Variants in NOVA1 observed in about 807,000 individuals in gnomAD.
The protein encoded by NOVA1 is NOVA alternative splicing regulator 1.
Under a neutral mutation model 38.0 loss-of-function variants are expected in NOVA1, and 7 were observed. That is an observed-to-expected ratio of 0.18 (90% confidence interval 0.10 to 0.35). The LOEUF is 0.35. Ranked by LOEUF, NOVA1 falls within the 10% of genes least tolerant of loss-of-function variation. NOVA1 has a pLI of 1.00. For missense variants in NOVA1, 460 were observed against 616.0 expected, an observed-to-expected ratio of 0.75 and a Z score of 2.68; for synonymous variants, 270 against 232.5, an observed-to-expected ratio of 1.16 and a Z score of -1.47.
At position 26,451,499 on chromosome 14, in the gene NOVA1, C is replaced by G. The variant is rs542457828; in HGVS notation, c.520-2536G>C. Among the ~76,000 whole-genome samples, 39 of 152,184 alleles carry G rather than the reference C, an allele frequency of 2.6e-4. No individual in the cohort carries two copies. The South Asian group carries it at 7.9e-3, about 31-fold the overall frequency. On this transcript the variant is annotated intron_variant, in intron 4 of 4. Transcript: ENST00000539517. ...TCTCCTGCCTCAGTTTCGCAAGTAG[C>G]TGGGACTACAAGGCATGCGCCACCA...
At chr14:26,529,284 C>T (rs929748889) in intron 2 of NOVA1, among the ~76,000 whole-genome samples, 3 of 151,982 alleles carry the variant, frequency 2.0e-5, no homozygotes, top group Non-Finnish European at 4.4e-5. Context: ...ATTACAAGCG[C>T]CCACCACCAT....
At chr14:26,576,926 T>G (rs971916747) in intron 2 of NOVA1, among the ~76,000 whole-genome samples, 22 of 152,118 alleles carry the variant, frequency 1.4e-4, no homozygotes, top group Admixed American at 1.2e-3. Flanking sequence ...CAATATTAAC[T>G]ATATCCTCAT....
At chr14:26,537,509 T>C (rs900491690) in intron 2 of NOVA1, among the ~76,000 whole-genome samples, 5 of 152,012 alleles carry the variant, frequency 3.3e-5, no homozygotes, top group African/African-American at 7.2e-5. Flanking sequence ...AAATTCTACA[T>C]ATAAAAAGCC....
intron 2 of NOVA1, among the ~76,000 whole-genome samples, chr14:26,504,069 T>C (rs1887445695): frequency 6.6e-6 from 1 of 152,254 alleles, no homozygotes; most frequent in East Asian, 1.9e-4. Flanking sequence ...TCCTAGAAGG[T>C]ATATATACCA....
intron 4 of NOVA1, among the ~76,000 whole-genome samples, chr14:26,464,326 C>CT (rs199756055): frequency 0.012 from 1,891 of 152,334 alleles, 27 homozygotes; most frequent in South Asian, 0.03. Context: ...ACAAATACCA[C>CT]TGTTACAGTT....
intron 4 of NOVA1, among the ~76,000 whole-genome samples, chr14:26,454,498 C>T (rs1882993646): frequency 6.6e-6 from 1 of 152,116 alleles, no homozygotes; most frequent in African/African-American, 2.4e-5. Flanking sequence ...ATGAAGTTAA[C>T]TCAGATAAAA....
At chr14:26,512,449 G>T (rs1206433225) in intron 2 of NOVA1, among the ~76,000 whole-genome samples, 1 of 152,130 alleles carries the variant, frequency 6.6e-6, no homozygotes, top group Non-Finnish European at 1.5e-5. Context: ...TGTGAATACA[G>T]TTTTATTAAA....
At chr14:26,536,660 A>G (rs1398817429) in intron 2 of NOVA1, among the ~76,000 whole-genome samples, 4 of 152,156 alleles carry the variant, frequency 2.6e-5, no homozygotes, top group Non-Finnish European at 4.4e-5. Context: ...ATAAGATCAA[A>G]CCATAAGTGA....
At chr14:26,479,070 C>G (rs1347071364) in intron 3 of NOVA1, 1 of 151,798 alleles carries the variant, frequency 6.6e-6, no homozygotes, top group Non-Finnish European at 1.5e-5. Flanking sequence ...AGCTACATTT[C>G]AAATTTATTA....
At chr14:26,566,240 T>C (rs1421695326) in intron 2 of NOVA1, among the ~76,000 whole-genome samples, 5 of 152,174 alleles carry the variant, frequency 3.3e-5, no homozygotes, top group Admixed American at 6.5e-5. Context: ...GTCATACTTA[T>C]TTAACGCTAT....
At chr14:26,522,401 AGG>A (rs1170147321) in intron 2 of NOVA1, among the ~76,000 whole-genome samples, 1 of 152,174 alleles carries the variant, frequency 6.6e-6, no homozygotes, top group Non-Finnish European at 1.5e-5. Flanking sequence ...TTGAGACAAC[AGG>A]AAGTGTAACC....
At chr14:26,449,595 T>C (rs1172576272) in intron 4 of NOVA1, among the ~76,000 whole-genome samples, 2 of 152,144 alleles carry the variant, frequency 1.3e-5, no homozygotes, top group Non-Finnish European at 2.9e-5. Context: ...AACTTCATAA[T>C]AGTTATTTCT....
chr14:26,595,030 C>T (rs554681517), intron 2 of NOVA1, among the ~76,000 whole-genome samples: 1 of 152,088 alleles, frequency 6.6e-6, no homozygotes, highest in Non-Finnish European at 1.5e-5. Flanking sequence ...CTCCCTACCC[C>T]CCTCTTCTGA....
chr14:26,491,161 AT>A (rs201898674), intron 2 of NOVA1, among the ~76,000 whole-genome samples: 4,578 of 150,560 alleles, frequency 0.03, 100 homozygotes, highest in Non-Finnish European at 0.046. Flanking sequence ...CATCTGGCTA[AT>A]TTTTTTTTAA....
intron 2 of NOVA1, among the ~76,000 whole-genome samples, chr14:26,569,825 G>A (rs916343734): frequency 6.6e-6 from 1 of 152,052 alleles, no homozygotes; most frequent in Non-Finnish European, 1.5e-5. Flanking sequence ...TTCTTCAACA[G>A]CATACTATTC....
chr14:26,579,238 A>C (rs994145279), intron 2 of NOVA1, among the ~76,000 whole-genome samples: 1 of 151,590 alleles, frequency 6.6e-6, no homozygotes, highest in Non-Finnish European at 1.5e-5. Flanking sequence ...TTGTATTTTA[A>C]GTAGAGACGG....
At chr14:26,489,406 A>AT (rs1442510430) in intron 2 of NOVA1, among the ~76,000 whole-genome samples, 1 of 152,072 alleles carries the variant, frequency 6.6e-6, no homozygotes, top group African/African-American at 2.4e-5. Flanking sequence ...AGGATAAAGA[A>AT]TTTTGACTGT....
At position 26,448,550 on chromosome 14, in the gene NOVA1, G is replaced by A. The variant is rs150753405; in HGVS notation, c.933C>T (p.Asp311=). Residue 311 remains aspartate, a synonymous_variant, in exon 5 of 5, where the codon GAC becomes GAT. Coordinates refer to ENST00000539517, the MANE Select transcript of NOVA1 (RefSeq NM_002515.3). This position sits in a 1 kb window ranked among gnomAD's most constrained non-coding sequence, Gnocchi z 5.3. Reference sequence around the variant, plus strand: ...TAAGTGCAGAGGTGATGGCCACCAGGTCATTGCCTGTGAAGCCAGATAAAA... The same window carrying A: ...TAAGTGCAGAGGTGATGGCCACCAGATCATTGCCTGTGAAGCCAGATAAAA... ...PAVLSGFTGN[D]LVAITSALNT... 1.2e-5 allele frequency: 19 copies of A among 1,614,188 alleles called. No homozygotes were observed. In the African/African-American group the frequency reaches 2.4e-4, roughly 20 times the overall value.
At chr14:26,465,974 G>C (rs1408780342) in intron 4 of NOVA1, among the ~76,000 whole-genome samples, 1 of 152,152 alleles carries the variant, frequency 6.6e-6, no homozygotes, top group Non-Finnish European at 1.5e-5. Context: ...GGAATCAGGA[G>C]TACAGGGGGG....
Sources: gnomAD v4.1 joint callset for allele counts (sites outside exome capture counted in the v4.1 genomes callset) on GRCh38, gnomAD v4.1.1 for gene constraint, Gnocchi (gnomAD v3.1) non-coding constraint, MANE v1.5 for transcripts, NCBI Gene and HGNC (gene_info 2026-07-23, HGNC 2026-07-21) for gene names.